MVD: variants seen among roughly 807,000 people sequenced by gnomAD.
MVD encodes the protein diphosphomevalonate decarboxylase.
In MVD, 52 loss-of-function variants were observed where a neutral mutation model predicts 42.4. That is an observed-to-expected ratio of 1.23 (90% CI 0.98 to 1.55). The LOEUF (loss-of-function observed/expected upper bound fraction) is 1.55. Among genes scored for constraint, MVD ranks in the 40% most tolerant of loss-of-function variants. The pLI, the probability that MVD is intolerant of heterozygous loss-of-function variation, is 0.00. For missense variants in MVD, 663 were observed against 572.1 expected (o/e 1.16, Z -1.62); for synonymous variants, 287 against 243.2 (o/e 1.18, Z -1.68).
chr16:88,657,314 G>C (rs1010390508), intron 4 of MVD, 122 bp downstream of exon 4: 2 of 1,334,556 alleles, frequency 1.5e-6, no homozygotes, highest in African/African-American at 2.9e-5. Flanking sequence ...GGCCAGGGAG[G>C]CCTGGGGTGA....
rs774981924 is a variant in MVD, at chr16:88,656,168, G to T, written c.540C>A (p.Asp180Glu). Residue 180 changes from aspartate to glutamate, a missense_variant, in exon 5 of 10, where the codon GAC becomes GAA. By Grantham distance (45) the Asp-to-Glu change is conservative. Transcript: ENST00000301012. ...CGGGGGCCACTTGCCGAGCGATGCT[G>T]TCCTTCCCGTCGGCCTGCTCTCCCA... ...WQMGEQADGK[D>E]SIARQVAPES... 1.2e-6 allele frequency: 2 copies of T among 1,602,012 alleles called. No homozygotes were observed. The highest frequency in any genetic ancestry group is 8.5e-7 in the Non-Finnish European group (1 of 1,179,924).
intron 4 of MVD, chr16:88,657,198 C>T: frequency 2.9e-6 from 2 of 690,968 alleles, no homozygotes; most frequent in Non-Finnish European, 5.2e-6. Context: ...TCTCCCCCAT[C>T]AGCCTCTTAA....
In MVD at chr16:88,652,046, C is replaced by T. The variant is rs949879251; in HGVS notation, c.*479G>A. 1 of 206,822 alleles carries T rather than the reference C, an allele frequency of 4.8e-6. No homozygotes were observed. The highest frequency in any genetic ancestry group is 1.0e-5 in the Non-Finnish European group (1 of 98,494). 12.8% of individuals were successfully genotyped at this position (206,822 alleles called of 1,614,324 possible). A position where few individuals can be genotyped will look rare whatever the true frequency, so the allele number is the denominator to read the frequency against. On this transcript the variant is annotated 3_prime_UTR_variant, in exon 10 of 10. Coordinates refer to ENST00000301012, the MANE Select transcript of MVD (RefSeq NM_002461.3). ...CCGTGGGCAGCCACCCTCCGAGACACCTGGGCCGGGGGCAGGGTCTCAGCA... is the reference window on the plus strand; with the variant it reads ...CCGTGGGCAGCCACCCTCCGAGACATCTGGGCCGGGGGCAGGGTCTCAGCA...
intron 2 of MVD, 98 bp from the exon 3 acceptor site, chr16:88,658,127 C>G: frequency 8.1e-7 from 1 of 1,235,654 alleles, no homozygotes. Context: ...GCTGCCCACT[C>G]GAGCAAGGTC....
chr16:88,653,254 G>A (rs1053647986), intron 9 of MVD, 46 bp downstream of exon 9: 8 of 1,511,176 alleles, frequency 5.3e-6, no homozygotes, highest in African/African-American at 1.4e-5. Context: ...GGGCCCCCCT[G>A]GCAGGAAAGG....
rs1227803437 is a variant in MVD at position 88,656,318 on chromosome 16, G to C, written c.404-14C>G. ...CCAGGGTGTAGGCTGCAGGCATGCG[G>C]ATTCAGGGAGGGTCCTCAGAGCTGC... is the stretch of plus-strand genomic sequence containing the variant. On this transcript the variant is annotated splice_polypyrimidine_tract_variant and intron_variant, in intron 4 of 9. Coordinates refer to ENST00000301012, the MANE Select transcript of MVD (RefSeq NM_002461.3). 18 of 1,598,572 alleles carry C rather than the reference G, an allele frequency of 1.1e-5. No homozygotes were observed. Among genetic ancestry groups the C allele is most frequent in the Non-Finnish European group, 1.4e-5 (17 of 1,179,784 alleles).
intron 5 of MVD, 180 bp downstream of exon 5, chr16:88,655,925 G>C (rs1907892579): frequency 9.1e-7 from 1 of 1,104,858 alleles, no homozygotes; most frequent in Admixed American, 2.6e-5. Flanking sequence ...AGCGGGTGGT[G>C]GCGCCCGCCG....
In MVD at chr16:88,656,571, A is replaced by G; in HGVS notation, c.404-267T>C. On this transcript the variant is annotated intron_variant, in intron 4 of 9. Coordinates refer to ENST00000301012, the MANE Select transcript of MVD (RefSeq NM_002461.3). ...GGGCAACAAAAGGTACCTGCGGCAG[A>G]GCAGGAAGCCCCATGGAAGGCGGGA... 5.4e-6 allele frequency: 3 copies of G among 559,146 alleles called. No homozygotes were observed. The East Asian group carries it at 8.9e-5, about 17-fold the overall frequency. 34.6% of individuals were successfully genotyped at this position (559,146 alleles called of 1,614,324 possible).
Position 88,655,286 on chromosome 16 carries a change from G to T in MVD, c.810C>A (p.Thr270=), listed in dbSNP as rs761689116. 5.6e-6 allele frequency: 9 copies of T among 1,593,430 alleles called. No individual in the cohort carries two copies. Among genetic ancestry groups the T allele is most frequent in the South Asian group, 1.1e-5 (1 of 87,604 alleles). ...SNQFHATCLD[T]FPPISYLNAI... is the part of the protein sequence containing the mutation. ...CATTGAGGTAAGAGATGGGCGGGAA[G>T]GTGTCGAGGCAGGTGGCGTGGAACT... The change falls in exon 7 of 10, where the codon ACC becomes ACA. Residue 270 remains threonine, a synonymous_variant. Transcript: ENST00000301012.
At chr16:88,654,354 C>A (rs767005442) in intron 8 of MVD, among the ~76,000 whole-genome samples, 1 of 152,226 alleles carries the variant, frequency 6.6e-6, no homozygotes, top group Admixed American at 6.5e-5. Flanking sequence ...CGGACACTTA[C>A]GCACACATCT....
intron 4 of MVD, chr16:88,656,562 C>A (rs1907943378): frequency 3.5e-6 from 2 of 570,748 alleles, no homozygotes; most frequent in Non-Finnish European, 6.3e-6. Context: ...CAAAAGGTAC[C>A]TGCGGCAGAG....
intron 3 of MVD, 158 bp downstream of exon 3, chr16:88,657,757 G>C: frequency 1.6e-6 from 2 of 1,228,796 alleles, no homozygotes; most frequent in African/African-American, 1.5e-5. Context: ...GGTCATTGAG[G>C]TGGGCCACTG....
chr16:88,652,404 T>C lies in MVD; in HGVS notation c.*121A>G, dbSNP rs560219608. 6.1e-5 allele frequency: 69 copies of C among 1,133,322 alleles called. No individual in the cohort carries two copies. Among genetic ancestry groups the C allele is most frequent in the Admixed American group, 1.0e-4 (5 of 50,230 alleles). The allele number at this position is 1,133,322 out of a possible 1,614,324, so 70.2% of individuals were successfully genotyped here. ...GCACTGCCCCACAGCAAGCTGCCCATGGGCCCGGGGTCAAGCCACCACCCA... is the reference window on the plus strand; with the variant it reads ...GCACTGCCCCACAGCAAGCTGCCCACGGGCCCGGGGTCAAGCCACCACCCA... On this transcript the variant is annotated 3_prime_UTR_variant, in exon 10 of 10. Transcript: ENST00000301012.
At position 88,658,681 on chromosome 16, in the gene MVD, G is replaced by T. The variant is rs1908095168; in HGVS notation, c.110C>A (p.Ser37Tyr). Residue 37 changes from serine to tyrosine, a missense_variant, in exon 2 of 10, where the codon TCC becomes TAC. By Grantham distance (144) the Ser-to-Tyr change is moderately radical. Transcript: ENST00000301012. Reference protein sequence around the residue: ...RDEELVLPINSSLSVTLHQDQ... With the variant: ...RDEELVLPINYSLSVTLHQDQ... ...CTGGTGCAGAGTGACGCTCAGGGAGGAGTTGATGGGCAGAACCAGCTCTTC... is the reference window on the plus strand; with the variant it reads ...CTGGTGCAGAGTGACGCTCAGGGAGTAGTTGATGGGCAGAACCAGCTCTTC... 1 of 1,613,716 alleles carries T rather than the reference G, an allele frequency of 6.2e-7. No homozygotes were observed. The highest frequency in any genetic ancestry group is 8.5e-7 in the Non-Finnish European group (1 of 1,179,862).
chr16:88,658,843 A>C, intron 1 of MVD, 123 bp from the exon 2 acceptor site: 3 of 704,620 alleles, frequency 4.3e-6, no homozygotes, highest in Non-Finnish European at 7.0e-6. Context: ...CTCTCACCGC[A>C]CAACCTGTGT....
chr16:88,658,287 C>T (rs1018458004), intron 2 of MVD, among the ~76,000 whole-genome samples: 15 of 152,250 alleles, frequency 9.9e-5, no homozygotes, highest in Middle Eastern at 3.4e-3. Flanking sequence ...CCCTGGGGCA[C>T]GGTGTGCGCA....
At chr16:88,662,688 C>T in intron 1 of MVD, 1 of 1,344,572 alleles carries the variant, frequency 7.4e-7, no homozygotes, top group South Asian at 1.4e-5. Context: ...GCCACAAACG[C>T]GCACCACCAC....
At chr16:88,661,790 C>T (rs953842839) in intron 1 of MVD, among the ~76,000 whole-genome samples, 1 of 150,076 alleles carries the variant, frequency 6.7e-6, no homozygotes, top group Non-Finnish European at 1.5e-5. Flanking sequence ...TCTGCATCAC[C>T]GTAGGGATGC....
Position 88,659,995 on chromosome 16 carries a change from A to AG in MVD, c.71-1276_71-1275insC, listed in dbSNP as rs1391392376. On this transcript the variant is annotated intron_variant, in intron 1 of 9. Coordinates refer to ENST00000301012, the MANE Select transcript of MVD (RefSeq NM_002461.3). ...CTTTCTCAAAAAAAAAAAAAAAGAA[A>AG]AGAAAAAAAGAAACAGATCCCTCCC... is the stretch of plus-strand genomic sequence containing the variant. Among the ~76,000 whole-genome samples the AG allele has an allele frequency of 4.1e-3, 627 of 151,438 alleles. 11 individuals are homozygous for AG. The highest frequency in any genetic ancestry group is 0.015 in the African/African-American group (600 of 41,166).
Sources: gnomAD v4.1 joint callset for allele counts (sites outside exome capture counted in the v4.1 genomes callset) on GRCh38, gnomAD v4.1.1 for gene constraint, MANE v1.5 for transcripts, NCBI Gene and HGNC (gene_info 2026-07-23, HGNC 2026-07-21) for gene names.